YLPM1: variants seen among roughly 807,000 people sequenced by gnomAD.
YLPM1 encodes the protein YLP motif containing 1.
YLPM1 carries 99 observed loss-of-function variants against 230.0 expected under a neutral mutation model. That is an observed-to-expected ratio of 0.43 (90% CI 0.37 to 0.51). YLPM1 has a LOEUF of 0.51. Among genes scored for constraint, YLPM1 ranks in the 20% least tolerant of loss-of-function variants. YLPM1 has a pLI of 0.00. For synonymous variants in YLPM1, 984 were observed against 942.5 expected, an observed-to-expected ratio of 1.04 and a Z score of -0.81; for missense variants, 2,592 against 2,707.7, an observed-to-expected ratio of 0.96 and a Z score of 0.95.
intron 6 of YLPM1, among the ~76,000 whole-genome samples, chr14:74,808,132 G>A (rs935244610): frequency 6.6e-6 from 1 of 152,160 alleles, no homozygotes; most frequent in Non-Finnish European, 1.5e-5. Context: ...TAAGATCACT[G>A]CACCAGTTTA....
At chr14:74,808,064 A>G (rs1403963149) in intron 6 of YLPM1, among the ~76,000 whole-genome samples, 1 of 152,202 alleles carries the variant, frequency 6.6e-6, no homozygotes, top group Non-Finnish European at 1.5e-5. Flanking sequence ...TTTGAATCTT[A>G]CGTGGCTACC....
intron 1 of YLPM1, among the ~76,000 whole-genome samples, chr14:74,766,370 T>A (rs1342623127): frequency 6.6e-6 from 1 of 152,344 alleles, no homozygotes; most frequent in East Asian, 1.9e-4. Flanking sequence ...GAAATATTTT[T>A]AAAATACACA....
Position 74,781,328 on chromosome 14 carries a change from T to C in YLPM1, c.1291-6T>C. On this transcript the variant is annotated splice_region_variant and splice_polypyrimidine_tract_variant and intron_variant, in intron 3 of 20. Transcript: ENST00000325680. ...TTTTAAATAGTTTTTATCCCTTTATTTGTAGACCATGTCTGTAGATATGCA... is the reference window on the plus strand; with the variant it reads ...TTTTAAATAGTTTTTATCCCTTTATCTGTAGACCATGTCTGTAGATATGCA... 1 of 1,533,674 alleles carries C rather than the reference T, an allele frequency of 6.5e-7. No individual in the cohort carries two copies. The highest frequency in any genetic ancestry group is 8.8e-7 in the Non-Finnish European group (1 of 1,141,024).
intron 4 of YLPM1, among the ~76,000 whole-genome samples, chr14:74,794,476 C>T (rs898385565): frequency 2.0e-5 from 3 of 152,220 alleles, no homozygotes; most frequent in Admixed American, 6.5e-5. Flanking sequence ...GCCACCGTGC[C>T]TGGCAGTCTT....
At position 74,816,479 on chromosome 14, in the gene YLPM1, T is replaced by G. The variant is rs1422675419; in HGVS notation, c.5566-92T>G. 10 of 1,450,838 alleles carry G rather than the reference T, an allele frequency of 6.9e-6. 1 individual carries two copies. Among genetic ancestry groups the G allele is most frequent in the Non-Finnish European group, 8.3e-6 (9 of 1,084,086 alleles). 89.9% of individuals were successfully genotyped at this position (1,450,838 alleles called of 1,614,324 possible). A position where few individuals can be genotyped will look rare whatever the true frequency, so the allele number is the denominator to read the frequency against. ...GCTTGATTTGAAACCACCAGAAGATTGTATATTATTTAGCCACAAGAGGGA... is the reference window on the plus strand; with the variant it reads ...GCTTGATTTGAAACCACCAGAAGATGGTATATTATTTAGCCACAAGAGGGA... On this transcript the variant is annotated intron_variant, in intron 12 of 20. Coordinates refer to ENST00000325680, the MANE Select transcript of YLPM1 (RefSeq NM_019589.3).
chr14:74,812,297 A>G (rs2091441374), intron 10 of YLPM1, among the ~76,000 whole-genome samples: 1 of 152,194 alleles, frequency 6.6e-6, no homozygotes, highest in Non-Finnish European at 1.5e-5. Context: ...TAAAACCATA[A>G]AGCAGAAGTT....
At chr14:74,833,359 C>A (rs1260961610) in intron 19 of YLPM1, among the ~76,000 whole-genome samples, 4 of 152,200 alleles carry the variant, frequency 2.6e-5, no homozygotes, top group East Asian at 1.9e-4. Flanking sequence ...AACAATTCTC[C>A]CACCTCATCC....
At chr14:74,771,807 A>G (rs1380320518) in intron 1 of YLPM1, among the ~76,000 whole-genome samples, 3 of 152,174 alleles carry the variant, frequency 2.0e-5, no homozygotes, top group African/African-American at 7.2e-5. Context: ...TGAAGGAGAG[A>G]GAGAATGAGG....
Position 74,799,190 on chromosome 14 carries a change from A to T in YLPM1, c.3893A>T (p.Asp1298Val). The change falls in exon 5 of 21, where the codon GAT becomes GTT. Residue 1298 changes from aspartate (D) to valine (V), a missense_variant. Physicochemically the swap from Asp to Val is radical, Grantham distance 152. Around this residue, in one of 4 missense-constraint regions of YLPM1, gnomAD observed 1,862 missense variants for 1,819.8 expected, o/e 1.02. Transcript: ENST00000325680. ...RDVDRISRPMDMYDRSLDNEW... is the reference protein window; with the variant it reads ...RDVDRISRPMVMYDRSLDNEW... ...GTGGATCGGATTTCAAGACCTATGG[A>T]TATGTATGATAGAAGTTTGGATAAT... 6.2e-7 allele frequency: 1 copy of T among 1,613,952 alleles called. No homozygotes were observed. Among genetic ancestry groups the T allele is most frequent in the Non-Finnish European group, 8.5e-7 (1 of 1,179,872 alleles).
intron 4 of YLPM1, among the ~76,000 whole-genome samples, chr14:74,789,653 G>T (rs1280776079): frequency 1.6e-4 from 23 of 147,046 alleles, no homozygotes; most frequent in African/African-American, 5.8e-4. Context: ...TTGAGGCAGG[G>T]TCTTTACTCT....
intron 17 of YLPM1, among the ~76,000 whole-genome samples, chr14:74,823,642 G>A (rs1179872429): frequency 3.9e-5 from 6 of 152,064 alleles, no homozygotes; most frequent in Non-Finnish European, 8.8e-5. Flanking sequence ...TGATAAAAAT[G>A]TTCTGAATTT....
Position 74,802,695 on chromosome 14 carries a change from T to C in YLPM1, c.4521+19T>C, listed in dbSNP as rs374658335. The C allele has an allele frequency of 6.3e-6, 10 of 1,578,048 alleles. No homozygotes were observed. Among genetic ancestry groups the C allele is most frequent in the African/African-American group, 4.1e-5 (3 of 73,008 alleles). The stretch of plus-strand genomic sequence containing the variant: ...GTATCCGGTATGGGAGAATGTGTGC[T>C]CAGAAAATGAAATGGTTTCTACTTT... On this transcript the variant is annotated intron_variant, in intron 6 of 20. Coordinates refer to ENST00000325680, the MANE Select transcript of YLPM1 (RefSeq NM_019589.3).
At chr14:74,786,232 T>C (rs948990267) in intron 4 of YLPM1, among the ~76,000 whole-genome samples, 1 of 151,658 alleles carries the variant, frequency 6.6e-6, no homozygotes, top group African/African-American at 2.4e-5. Flanking sequence ...CATGGTAACA[T>C]GCGCCTGTAG....
chr14:74,766,172 G>A (rs1275267439), intron 1 of YLPM1, among the ~76,000 whole-genome samples: 1 of 152,148 alleles, frequency 6.6e-6, no homozygotes, highest in African/African-American at 2.4e-5. Context: ...CTTGCAAATT[G>A]TAGGCTCTCC....
At chr14:74,795,003 G>A (rs140727948) in intron 4 of YLPM1, among the ~76,000 whole-genome samples, 1 of 152,302 alleles carries the variant, frequency 6.6e-6, no homozygotes, top group Non-Finnish European at 1.5e-5. Flanking sequence ...GCTATTAGCA[G>A]TTCTTTCTGA....
chr14:74,798,637 C>G lies in YLPM1; in HGVS notation c.3340C>G (p.Pro1114Ala), dbSNP rs200554644. 2.5e-5 allele frequency: 41 copies of G among 1,611,830 alleles called. No individual in the cohort carries two copies. The East Asian group carries it at 6.5e-4, about 25-fold the overall frequency. ...AGCTGGCAGCCGAGAAAGGGGACCA[C>G]CTCGGAGGGCTGGCAGTCAGGAGAG... ...GAAGSRERGPPRRAGSQERGP... is the reference protein window; with the variant it reads ...GAAGSRERGPARRAGSQERGP... Residue 1114 changes from proline to alanine, a missense_variant, in exon 5 of 21, where the codon CCT (proline) becomes GCT (alanine). This residue lies in a region of YLPM1 where 1,862 missense variants were observed against 1,819.8 expected (regional missense o/e 1.02). Coordinates refer to ENST00000325680, the MANE Select transcript of YLPM1 (RefSeq NM_019589.3).
In YLPM1 at chr14:74,799,448, G is replaced by A. The variant is rs199804193; in HGVS notation, c.4151G>A (p.Arg1384Gln). The A allele has an allele frequency of 1.4e-5, 23 of 1,613,880 alleles. No homozygotes were observed. The highest frequency in any genetic ancestry group is 1.1e-4 in the East Asian group (5 of 44,888). The change falls in exon 5 of 21, where the codon CGG (arginine) becomes CAG (glutamine). Residue 1384 changes from arginine (R) to glutamine (Q), a missense_variant. By Grantham distance (43) the Arg-to-Gln change is conservative. Coordinates refer to ENST00000325680, the MANE Select transcript of YLPM1 (RefSeq NM_019589.3). Reference sequence around the variant, plus strand: ...TATCCAGAAAGAGGAGATACATGGCGGGAAAAGCGAGATTATGTTCCTGAC... The same window carrying A: ...TATCCAGAAAGAGGAGATACATGGCAGGAAAAGCGAGATTATGTTCCTGAC... ...REYPERGDTW[R>Q]EKRDYVPDRM...
rs1057466103 is a variant in YLPM1 at position 74,836,862 on chromosome 14, C to T, written c.*1124C>T. The T allele has an allele frequency of 1.3e-5, 2 of 152,490 alleles. No individual in the cohort carries two copies. Among genetic ancestry groups the T allele is most frequent in the African/African-American group, 4.8e-5 (2 of 41,410 alleles). The allele number at this position is 152,490 out of a possible 1,614,324, so 9.4% of individuals were successfully genotyped here. A position where few individuals can be genotyped will look rare whatever the true frequency, so the allele number is the denominator to read the frequency against. ...CAGAGATAAAACCCAAATATTATTT[C>T]TATGTAAACACAGAAAAGGGACTCT... On this transcript the variant is annotated 3_prime_UTR_variant, in exon 21 of 21. Transcript: ENST00000325680.
intron 4 of YLPM1, among the ~76,000 whole-genome samples, chr14:74,793,557 A>G (rs1034956720): frequency 6.6e-6 from 1 of 152,118 alleles, no homozygotes; most frequent in African/African-American, 2.4e-5. Context: ...TGCTTTTTGC[A>G]TTCTGTTTTC....
Sources: gnomAD v4.1 joint callset for allele counts (sites outside exome capture counted in the v4.1 genomes callset) on GRCh38, gnomAD v4.1.1 for gene constraint, gnomAD v4.1.1 regional missense constraint, MANE v1.5 for transcripts, NCBI Gene and HGNC (gene_info 2026-07-23, HGNC 2026-07-21) for gene names.